The following AGMO variants were observed in gnomAD, a reference collection of about 807,000 sequenced individuals.
AGMO encodes the protein glyceryl-ether monooxygenase.
AGMO carries 75 observed loss-of-function variants against 60.2 expected under a neutral mutation model. That is an observed-to-expected ratio of 1.25 (90% confidence interval 1.03 to 1.51). The LOEUF is 1.51. Among genes scored for constraint, AGMO ranks in the 40% most tolerant of loss-of-function variants. The pLI is 0.00. For synonymous variants in AGMO, 261 were observed against 177.1 expected (o/e 1.47, Z -3.76); for missense variants, 763 against 525.5 (o/e 1.45, Z -4.42).
Position 15,257,282 on chromosome 7 carries a change from A to G in AGMO, c.1264-55923T>C, listed in dbSNP as rs2128508448. 2.0e-5 allele frequency among the ~76,000 whole-genome samples: 3 copies of G among 152,280 alleles called. No homozygotes were observed. In the South Asian group the frequency reaches 6.2e-4, roughly 32 times the overall value. On this transcript the variant is annotated intron_variant, in intron 12 of 12. Coordinates refer to ENST00000342526, the MANE Select transcript of AGMO (RefSeq NM_001004320.2). ...AACATAGGAAGACTATCTCAGGTAT[A>G]TTTTTAATATACTCCAAATAATAAG... is the stretch of plus-strand genomic sequence containing the variant.
chr7:15,129,486 C>A, the AGMO span, among the ~76,000 whole-genome samples: 16 of 152,094 alleles, frequency 1.1e-4, no homozygotes, highest in African/African-American at 3.9e-4. Flanking sequence ...GCAACTCATT[C>A]TGACCAATTT....
intron 3 of AGMO, among the ~76,000 whole-genome samples, chr7:15,483,101 C>A (rs972161783): frequency 1.3e-5 from 2 of 152,088 alleles, no homozygotes; most frequent in Admixed American, 1.3e-4. Flanking sequence ...GAAAATAATA[C>A]TGTTACTGTA....
intron 12 of AGMO, among the ~76,000 whole-genome samples, chr7:15,352,109 A>G (rs1782263114): frequency 6.6e-6 from 1 of 152,240 alleles, no homozygotes. Flanking sequence ...ATTAAGCTAT[A>G]GCAAGAAGAC....
At chr7:15,299,818 A>G (rs952220975) in intron 12 of AGMO, among the ~76,000 whole-genome samples, 1 of 137,610 alleles carries the variant, frequency 7.3e-6, no homozygotes, top group Admixed American at 7.7e-5. Context: ...ACAGAGCAAG[A>G]CTCTGTCTAC....
At chr7:15,452,023 C>G (rs1781868074) in intron 3 of AGMO, among the ~76,000 whole-genome samples, 1 of 152,160 alleles carries the variant, frequency 6.6e-6, no homozygotes, top group African/African-American at 2.4e-5. Context: ...TCAATCTTGT[C>G]TACCTATTAA....
At chr7:15,356,718 AAT>A (rs1434497300) in intron 12 of AGMO, among the ~76,000 whole-genome samples, 28 of 151,886 alleles carry the variant, frequency 1.8e-4, no homozygotes, top group African/African-American at 5.8e-4. Flanking sequence ...TATCTAATTT[AAT>A]ATCTCTCAAA....
intron 3 of AGMO, among the ~76,000 whole-genome samples, chr7:15,479,688 T>C (rs1291500936): frequency 1.3e-5 from 2 of 152,180 alleles, no homozygotes; most frequent in African/African-American, 2.4e-5. Context: ...TCACACATCA[T>C]GCTTTCCATC....
intron 3 of AGMO, among the ~76,000 whole-genome samples, chr7:15,495,561 G>A (rs965733852): frequency 3.3e-5 from 5 of 152,132 alleles, no homozygotes; most frequent in Admixed American, 2.0e-4. Flanking sequence ...TTAAATTCCT[G>A]TAACTCATAG....
At chr7:15,351,701 T>C (rs934990097) in intron 12 of AGMO, among the ~76,000 whole-genome samples, 7 of 152,218 alleles carry the variant, frequency 4.6e-5, no homozygotes, top group African/African-American at 1.4e-4. Context: ...AGCTACTACA[T>C]TTTAAGTGGA....
Position 15,239,511 on chromosome 7 carries a change from T to C in AGMO, c.1264-38152A>G, listed in dbSNP as rs1016484862. ...TCTATGAAGGTTAGGTAATTCTGTC[T>C]TCAATGTCCAACAGTGTATATGGGT... On this transcript the variant is annotated intron_variant, in intron 12 of 12. Transcript: ENST00000342526. 2.0e-5 allele frequency among the ~76,000 whole-genome samples: 3 copies of C among 152,126 alleles called. No homozygotes were observed. In the East Asian group the frequency reaches 5.8e-4, roughly 29 times the overall value.
the AGMO span, among the ~76,000 whole-genome samples, chr7:15,124,680 C>T: frequency 8.5e-5 from 13 of 152,142 alleles, no homozygotes; most frequent in East Asian, 1.7e-3. Context: ...TTCTTTATAA[C>T]TAAAGATGGA....
intron 3 of AGMO, among the ~76,000 whole-genome samples, chr7:15,516,859 G>A (rs1783820853): frequency 6.6e-6 from 1 of 151,942 alleles, no homozygotes. Flanking sequence ...GCTCTGGAGA[G>A]AGCAGGATGG....
At chr7:15,415,908 G>A (rs1313023319) in intron 5 of AGMO, among the ~76,000 whole-genome samples, 1 of 151,636 alleles carries the variant, frequency 6.6e-6, no homozygotes, top group Non-Finnish European at 1.5e-5. Flanking sequence ...ACAATACACA[G>A]ACAAAAATAT....
At chr7:15,489,243 G>A (rs1241878369) in intron 3 of AGMO, among the ~76,000 whole-genome samples, 1 of 152,134 alleles carries the variant, frequency 6.6e-6, no homozygotes, top group Non-Finnish European at 1.5e-5. Flanking sequence ...GTAGAATCAT[G>A]AAGAGCCCTT....
chr7:15,272,362 G>C (rs1028257433), intron 12 of AGMO, among the ~76,000 whole-genome samples: 1 of 143,632 alleles, frequency 7.0e-6, no homozygotes, highest in Non-Finnish European at 1.5e-5. Context: ...TCCCACCTAT[G>C]AGTGAGAACA....
At chr7:15,474,369 C>T (rs1264422063) in intron 3 of AGMO, among the ~76,000 whole-genome samples, 1 of 152,082 alleles carries the variant, frequency 6.6e-6, no homozygotes, top group Non-Finnish European at 1.5e-5. Context: ...ACCAATGGAA[C>T]AGAACAGAGG....
At chr7:15,560,304 T>C in intron 1 of AGMO, 33 bp from the exon 2 acceptor site, 1 of 1,586,842 alleles carries the variant, frequency 6.3e-7, no homozygotes, top group Non-Finnish European at 8.6e-7. Flanking sequence ...GAGATGCTAT[T>C]ATGTTCCATA....
intron 12 of AGMO, among the ~76,000 whole-genome samples, chr7:15,342,452 T>C (rs1738169621): frequency 6.6e-6 from 1 of 152,138 alleles, no homozygotes; most frequent in South Asian, 2.1e-4. Context: ...AATGACTTCA[T>C]TGGTAAACTC....
the AGMO span, among the ~76,000 whole-genome samples, chr7:15,158,845 C>CA: frequency 5.3e-5 from 8 of 151,308 alleles, no homozygotes; most frequent in East Asian, 9.8e-4. Flanking sequence ...GTGTACTCCT[C>CA]AAAAAAAATA....
Sources: gnomAD v4.1 joint callset for allele counts (sites outside exome capture counted in the v4.1 genomes callset) on GRCh38, gnomAD v4.1.1 for gene constraint, MANE v1.5 for transcripts, NCBI Gene and HGNC (gene_info 2026-07-23, HGNC 2026-07-21) for gene names.